ITSN1: variants seen among roughly 807,000 people sequenced by gnomAD.
The protein encoded by ITSN1 is intersectin 1, also known as intersectin-1.
Under a neutral mutation model 239.8 loss-of-function variants are expected in ITSN1, and 58 were observed. The ratio of observed to expected loss-of-function variants is 0.24; its 90% CI spans 0.20 to 0.30. The LOEUF (loss-of-function observed/expected upper bound fraction) is 0.30, where lower values mean the gene tolerates loss of function less well. Among genes scored for constraint, ITSN1 ranks in the 10% least tolerant of loss-of-function variants. The pLI is 1.00. For synonymous variants in ITSN1, 780 were observed against 770.8 expected, an observed-to-expected ratio of 1.01 and a Z score of -0.20; for missense variants, 1,558 against 2,103.3, an observed-to-expected ratio of 0.74 and a Z score of 5.07.
At chr21:33,871,107 G>T (rs1041320679) in intron 33 of ITSN1, among the ~76,000 whole-genome samples, 19 of 151,824 alleles carry the variant, frequency 1.3e-4, no homozygotes, top group Non-Finnish European at 2.6e-4. Flanking sequence ...CTCCAGCCTG[G>T]GTGACAGAGT....
rs1201444710 is a variant in ITSN1, at chr21:33,818,269, T to C, written c.2730T>C (p.Gly910=). ...GSSPSPVLGQ[G]EKVEGLQAQA... ...TCCTTTATGTTATTCCACACAAGGGTGAAAAGGTGGAGGGGCTACAAGCTC... is the reference window on the plus strand; with the variant it reads ...TCCTTTATGTTATTCCACACAAGGGCGAAAAGGTGGAGGGGCTACAAGCTC... Residue 910 remains glycine, a splice_region_variant and synonymous_variant, in exon 23 of 40, where the codon GGT becomes GGC. Transcript: ENST00000381318. 2 of 1,613,250 alleles carry C rather than the reference T, an allele frequency of 1.2e-6. No individual in the cohort carries two copies. The highest frequency in any genetic ancestry group is 1.7e-6 in the Non-Finnish European group (2 of 1,179,686).
intron 21 of ITSN1, among the ~76,000 whole-genome samples, chr21:33,811,874 T>C (rs2072941064): frequency 6.6e-6 from 1 of 152,246 alleles, no homozygotes. Flanking sequence ...TAAAAATATT[T>C]TATACTAGGA....
intron 21 of ITSN1, 90 bp from the exon 22 acceptor site, chr21:33,813,823 C>CTTTTT: frequency 1.1e-6 from 1 of 930,498 alleles, no homozygotes; most frequent in Admixed American, 3.3e-5. Context: ...GGAGTGCTTG[C>CTTTTT]TTTTTTTTTT....
intron 29 of ITSN1, among the ~76,000 whole-genome samples, chr21:33,847,465 G>C (rs2075020474): frequency 6.6e-6 from 1 of 152,204 alleles, no homozygotes; most frequent in African/African-American, 2.4e-5. Flanking sequence ...TCCATTTCCT[G>C]ACATATCACC....
intron 28 of ITSN1, among the ~76,000 whole-genome samples, chr21:33,836,074 T>C (rs959114402): frequency 6.6e-6 from 1 of 152,228 alleles, no homozygotes; most frequent in Admixed American, 6.5e-5. Flanking sequence ...ATAGCTGTCC[T>C]GTGCAGCAGA....
chr21:33,811,276 T>TC (rs1191374625), intron 21 of ITSN1, 54 bp downstream of exon 21: 30 of 1,499,632 alleles, frequency 2.0e-5, no homozygotes, highest in South Asian at 9.4e-5. Flanking sequence ...TTTGATCATT[T>TC]CCCCCCCACC....
At chr21:33,764,524 G>A (rs915481922) in intron 9 of ITSN1, among the ~76,000 whole-genome samples, 2 of 152,158 alleles carry the variant, frequency 1.3e-5, no homozygotes, top group African/African-American at 4.8e-5. Context: ...GGGGATGGGG[G>A]CAAAGGAGGG....
chr21:33,822,208 A>G (rs2073721158), intron 24 of ITSN1, among the ~76,000 whole-genome samples: 1 of 152,224 alleles, frequency 6.6e-6, no homozygotes, highest in Non-Finnish European at 1.5e-5. Context: ...CCACGTGAGC[A>G]CAAGAGTTAG....
intron 20 of ITSN1, among the ~76,000 whole-genome samples, chr21:33,803,622 A>G (rs1434877937): frequency 2.0e-5 from 3 of 152,244 alleles, no homozygotes; most frequent in South Asian, 4.1e-4. Context: ...GTTTTGAAAT[A>G]TATATATCAA....
chr21:33,861,218 C>G (rs1980459977), intron 31 of ITSN1, among the ~76,000 whole-genome samples: 1 of 152,184 alleles, frequency 6.6e-6, no homozygotes, highest in Non-Finnish European at 1.5e-5. Flanking sequence ...ATTTGGGTGG[C>G]TGCATAGACA....
chr21:33,766,963 T>A (rs1602105919), intron 10 of ITSN1, among the ~76,000 whole-genome samples: 1 of 151,358 alleles, frequency 6.6e-6, no homozygotes, highest in African/African-American at 2.4e-5. Flanking sequence ...AGGTCAGGAG[T>A]TTGAGATCAG....
intron 14 of ITSN1, among the ~76,000 whole-genome samples, chr21:33,780,035 T>C (rs2070025377): frequency 6.6e-6 from 1 of 152,210 alleles, no homozygotes; most frequent in Non-Finnish European, 1.5e-5. Flanking sequence ...TTTCACCATG[T>C]TGGCCAGCCT....
At chr21:33,859,747 G>A (rs1045916015) in intron 31 of ITSN1, among the ~76,000 whole-genome samples, 1 of 152,218 alleles carries the variant, frequency 6.6e-6, no homozygotes, top group Non-Finnish European at 1.5e-5. Context: ...TGGAGGGATG[G>A]AGAGGAGGTG....
chr21:33,655,583 AT>A (rs756792867), intron 1 of ITSN1, among the ~76,000 whole-genome samples: 1,543 of 126,084 alleles, frequency 0.012, 9 homozygotes, highest in Middle Eastern at 0.029. Flanking sequence ...TGCCTGGCTA[AT>A]TTTTTTTTTT....
intron 1 of ITSN1, among the ~76,000 whole-genome samples, chr21:33,711,005 A>G (rs1364774144): frequency 6.6e-6 from 1 of 151,528 alleles, no homozygotes; most frequent in Non-Finnish European, 1.5e-5. Flanking sequence ...GTTGGCCAGG[A>G]TGGTCTCGAT....
chr21:33,782,680 T>C (rs2070295274), intron 16 of ITSN1, among the ~76,000 whole-genome samples: 1 of 152,182 alleles, frequency 6.6e-6, no homozygotes. Context: ...GATCACAGCC[T>C]TTTTCAGATT....
At chr21:33,772,800 A>G (rs1254872069) in intron 12 of ITSN1, among the ~76,000 whole-genome samples, 1 of 152,148 alleles carries the variant, frequency 6.6e-6, no homozygotes, top group Non-Finnish European at 1.5e-5. Flanking sequence ...CAATGATGTT[A>G]TGAACATTAA....
chr21:33,672,278 A>G (rs1324151385), intron 1 of ITSN1, among the ~76,000 whole-genome samples: 1 of 152,148 alleles, frequency 6.6e-6, no homozygotes, highest in Non-Finnish European at 1.5e-5. Context: ...ACGTGTTTTT[A>G]AAAATCATAA....
intron 1 of ITSN1, among the ~76,000 whole-genome samples, chr21:33,710,810 T>G (rs1039905336): frequency 4.0e-5 from 6 of 151,410 alleles, no homozygotes; most frequent in South Asian, 2.1e-4. Context: ...TTTTTGTTTT[T>G]TTTTTTTTTC....
Sources: allele counts gnomAD v4.1 joint callset (sites outside exome capture counted in the v4.1 genomes callset), GRCh38; gene constraint gnomAD v4.1.1; transcripts MANE v1.5; gene names NCBI Gene and HGNC (gene_info 2026-07-23, HGNC 2026-07-21).